COL4A5: variants seen among roughly 807,000 people sequenced by gnomAD.
COL4A5 encodes the protein collagen alpha-5(IV) chain.
In COL4A5, 26 loss-of-function variants were observed where a neutral mutation model predicts 130.2. The observed-to-expected ratio is 0.20, with a 90% confidence interval of 0.15 to 0.28. The LOEUF is 0.28. Ranked by LOEUF, COL4A5 falls within the 10% of genes least tolerant of loss-of-function variation. The pLI is 1.00. For missense variants in COL4A5, 1,131 were observed against 1,344.3 expected (o/e 0.84, Z 2.48); for synonymous variants, 496 against 439.6 (o/e 1.13, Z -1.60).
intron 41 of COL4A5, among the ~76,000 whole-genome samples, chrX:108,669,447 T>G (rs928334334): frequency 8.9e-6 from 1 of 112,191 alleles, no homozygotes; most frequent in Admixed American, 9.5e-5. Context: ...ATGAATTAAA[T>G]GGGATCACAT....
chrX:108,510,949 A>G (rs1569479422), intron 1 of COL4A5, among the ~76,000 whole-genome samples: 1 of 111,548 alleles, frequency 9.0e-6, no homozygotes, highest in South Asian at 3.7e-4. Context: ...TAGCATATCT[A>G]TCATCTCATA....
chrX:108,578,868 C>T (rs1310953624), intron 13 of COL4A5, among the ~76,000 whole-genome samples: 4 of 109,716 alleles, frequency 3.6e-5, no homozygotes, highest in African/African-American at 1.0e-4. Flanking sequence ...TTAGTAGAGA[C>T]GGGGTTTCAC....
Position 108,568,684 on chromosome X carries a change from T to C in COL4A5, c.321+11T>C, listed in dbSNP as rs1407195247. 8.3e-7 allele frequency: 1 copy of C among 1,201,149 alleles called. No individual in the cohort carries two copies. Among genetic ancestry groups the C allele is most frequent in the South Asian group, 1.8e-5 (1 of 56,713 alleles). On this transcript the variant is annotated intron_variant, in intron 5 of 52. Coordinates refer to ENST00000328300, the MANE Select transcript of COL4A5 (RefSeq NM_033380.3). ...ACACCAGGTCTTCCTGTAAGTAGCA[T>C]TTCACTTTTTACTTTGAAATCTCTT...
intron 2 of COL4A5, among the ~76,000 whole-genome samples, chrX:108,543,135 G>T (rs769558942): frequency 1.1e-3 from 123 of 109,882 alleles, no homozygotes; most frequent in African/African-American, 3.6e-3. Context: ...GTCAATTTTG[G>T]CTTTTGTTGC....
chrX:108,696,637 C>A lies in COL4A5; in HGVS notation c.*259C>A. The A allele has an allele frequency of 4.5e-6, 1 of 221,331 alleles. No homozygotes were observed. The highest frequency in any genetic ancestry group is 8.1e-6 in the Non-Finnish European group (1 of 123,244). The allele number at this position is 221,331 out of a possible 1,213,427, so 18.2% of individuals were successfully genotyped here. A position where few individuals can be genotyped will look rare whatever the true frequency, so the allele number is the denominator to read the frequency against. On this transcript the variant is annotated 3_prime_UTR_variant, in exon 53 of 53. Coordinates refer to ENST00000328300, the MANE Select transcript of COL4A5 (RefSeq NM_033380.3). The stretch of plus-strand genomic sequence containing the variant: ...TTTTTGGGTCCAGAATGACTTTCTC[C>A]AAGAATTATAAGATGAAAATTATAT...
At chrX:108,530,430 G>A (rs886206511) in intron 1 of COL4A5, among the ~76,000 whole-genome samples, 2 of 108,399 alleles carry the variant, frequency 1.8e-5, no homozygotes, top group Non-Finnish European at 3.8e-5. Flanking sequence ...CCTACAAAAT[G>A]GGAGAAAATT....
chrX:108,511,757 A>G (rs1170650847), intron 1 of COL4A5, among the ~76,000 whole-genome samples: 1 of 112,174 alleles, frequency 8.9e-6, no homozygotes, highest in African/African-American at 3.2e-5. Context: ...TATCAGGTGC[A>G]AAAGAATAAA....
chrX:108,639,001 C>A (rs73528382), intron 36 of COL4A5, among the ~76,000 whole-genome samples: 1 of 110,439 alleles, frequency 9.1e-6, no homozygotes, highest in Non-Finnish European at 1.9e-5. Flanking sequence ...TTCAATGCAA[C>A]GCCTATCAAA....
intron 25 of COL4A5, 102 bp downstream of exon 25, chrX:108,598,972 G>C: frequency 8.3e-6 from 7 of 846,885 alleles, no homozygotes; most frequent in Non-Finnish European, 1.2e-5. Flanking sequence ...TGTTTCCCTG[G>C]CCGTTTATAT....
At chrX:108,642,771 C>G (rs2067495905) in intron 36 of COL4A5, among the ~76,000 whole-genome samples, 2 of 106,010 alleles carry the variant, frequency 1.9e-5, no homozygotes, top group South Asian at 4.4e-4. Context: ...TGTGACAAAG[C>G]CTACCCAAAT....
chrX:108,450,845 T>A (rs1234119568), intron 1 of COL4A5, among the ~76,000 whole-genome samples: 2 of 110,580 alleles, frequency 1.8e-5, no homozygotes, highest in African/African-American at 6.6e-5. Flanking sequence ...TTTTATTTTT[T>A]ATTTTTATTT....
At chrX:108,635,286 A>G (rs1367036424) in intron 36 of COL4A5, among the ~76,000 whole-genome samples, 1 of 111,243 alleles carries the variant, frequency 9.0e-6, no homozygotes. Context: ...CATGCTTCAT[A>G]AAAAAGAAAA....
At chrX:108,579,104 A>G (rs2066203691) in intron 13 of COL4A5, among the ~76,000 whole-genome samples, 1 of 111,747 alleles carries the variant, frequency 8.9e-6, no homozygotes, top group Non-Finnish European at 1.9e-5. Flanking sequence ...TATCAGTGCA[A>G]TCTAACTTTA....
In COL4A5 at chrX:108,563,976, G is replaced by T. The variant is rs781354226; in HGVS notation, c.276+50G>T. ...AATACTTTGTTGGTGGAAACAGATA[G>T]AGAACAAATGAAGTATTATGAGACA... On this transcript the variant is annotated intron_variant, in intron 4 of 52. Transcript: ENST00000328300. 3 of 1,014,713 alleles carry T rather than the reference G, an allele frequency of 3.0e-6. No homozygotes were observed. The South Asian group carries it at 6.0e-5, about 20-fold the overall frequency. The allele number at this position is 1,014,713 out of a possible 1,213,427, so 83.6% of individuals were successfully genotyped here. A position where few individuals can be genotyped will look rare whatever the true frequency, so the allele number is the denominator to read the frequency against.
At chrX:108,683,088 G>GTAT (rs1423127383) in intron 47 of COL4A5, among the ~76,000 whole-genome samples, 13 of 111,681 alleles carry the variant, frequency 1.2e-4, no homozygotes, top group African/African-American at 4.2e-4. Context: ...GTAAGGAAGG[G>GTAT]GTCCAGTTTC....
intron 36 of COL4A5, among the ~76,000 whole-genome samples, chrX:108,638,835 A>C (rs1028413343): frequency 8.9e-6 from 1 of 112,055 alleles, no homozygotes; most frequent in Non-Finnish European, 1.9e-5. Flanking sequence ...GTTGCATCAA[A>C]AAGAATAAAA....
intron 36 of COL4A5, chrX:108,626,809 T>C (rs2067162492): frequency 3.8e-6 from 3 of 783,449 alleles, no homozygotes; most frequent in African/African-American, 2.3e-5. Context: ...TACTTCTCTC[T>C]TCAATGTGAA....
intron 4 of COL4A5, among the ~76,000 whole-genome samples, chrX:108,568,015 T>G (rs1427260117): frequency 8.9e-6 from 1 of 112,113 alleles, no homozygotes; most frequent in Non-Finnish European, 1.9e-5. Context: ...TTTCTCATAT[T>G]TTGTTTCATA....
At chrX:108,449,565 G>A (rs998751611) in intron 1 of COL4A5, among the ~76,000 whole-genome samples, 6 of 111,552 alleles carry the variant, frequency 5.4e-5, no homozygotes, top group African/African-American at 2.0e-4. Context: ...GTCTGTTTGG[G>A]CTGCCATAAC....
Sources: gnomAD v4.1 joint callset for allele counts (sites outside exome capture counted in the v4.1 genomes callset) on GRCh38, gnomAD v4.1.1 for gene constraint, MANE v1.5 for transcripts, NCBI Gene and HGNC (gene_info 2026-07-23, HGNC 2026-07-21) for gene names.